HTR1F: variants seen among roughly 807,000 people sequenced by gnomAD.
The protein encoded by HTR1F is 5-hydroxytryptamine receptor 1F, also known as 5-hydroxytryptamine (serotonin) receptor 1F, G protein-coupled.
Under a neutral mutation model 24.0 loss-of-function variants are expected in HTR1F, and 17 were observed. The observed-to-expected ratio is 0.71, with a 90% CI of 0.48 to 1.06. The LOEUF (loss-of-function observed/expected upper bound fraction) is 1.06, where lower values mean the gene tolerates loss of function less well. Among genes scored for constraint, HTR1F ranks in the 50% least tolerant of loss-of-function variants. The pLI, the probability that HTR1F is intolerant of heterozygous loss-of-function variation, is 0.00. For missense variants in HTR1F, 391 were observed against 427.8 expected, an observed-to-expected ratio of 0.91 and a Z score of 0.76; for synonymous variants, 186 against 156.8, an observed-to-expected ratio of 1.19 and a Z score of -1.39.
At chr3:87,799,247 A>C (rs1055955228) in intron 1 of HTR1F, among the ~76,000 whole-genome samples, 1 of 152,216 alleles carries the variant, frequency 6.6e-6, no homozygotes, top group Non-Finnish European at 1.5e-5. Flanking sequence ...GGTGACTCTC[A>C]GTTCTAGCAT....
chr3:87,985,677 G>A (rs1261583212), intron 2 of HTR1F, among the ~76,000 whole-genome samples: 1 of 152,182 alleles, frequency 6.6e-6, no homozygotes, highest in Non-Finnish European at 1.5e-5. Context: ...CAACTTGTAG[G>A]TATTCGTGAG....
At chr3:87,878,182 T>C (rs1388215471) in intron 2 of HTR1F, among the ~76,000 whole-genome samples, 3 of 152,158 alleles carry the variant, frequency 2.0e-5, no homozygotes, top group Non-Finnish European at 4.4e-5. Flanking sequence ...GCAGAGGTTT[T>C]GCTTTGAAAA....
intron 1 of HTR1F, among the ~76,000 whole-genome samples, chr3:87,801,971 G>A (rs1048372739): frequency 2.0e-5 from 3 of 151,440 alleles, no homozygotes; most frequent in African/African-American, 7.3e-5. Flanking sequence ...ATAAAGCATG[G>A]CTTTGCTTTC....
At chr3:87,977,393 CTTTTTTTTTTTTT>C (rs34070984) in intron 2 of HTR1F, among the ~76,000 whole-genome samples, 1 of 73,050 alleles carries the variant, frequency 1.4e-5, no homozygotes, top group Non-Finnish European at 2.6e-5. Context: ...GAAGCTGAGA[CTTTTTTTTTTTTT>C]TTTTTTTTTT....
intron 2 of HTR1F, among the ~76,000 whole-genome samples, chr3:87,955,057 T>C (rs1172939984): frequency 1.3e-5 from 2 of 151,366 alleles, no homozygotes; most frequent in Admixed American, 6.6e-5. Context: ...ACCTACTTTA[T>C]TGAGGAATAA....
chr3:87,890,272 A>G (rs969179487), intron 2 of HTR1F, among the ~76,000 whole-genome samples: 7 of 152,220 alleles, frequency 4.6e-5, no homozygotes, highest in African/African-American at 1.4e-4. Flanking sequence ...TTATTTTTGC[A>G]TATATATGTT....
chr3:87,958,318 T>C (rs1052295830), intron 2 of HTR1F, among the ~76,000 whole-genome samples: 2 of 151,568 alleles, frequency 1.3e-5, no homozygotes, highest in Non-Finnish European at 3.0e-5. Context: ...TTTTGTTTTG[T>C]TTTGTTTTAT....
intron 1 of HTR1F, among the ~76,000 whole-genome samples, chr3:87,803,780 A>T (rs544870641): frequency 5.9e-5 from 9 of 152,352 alleles, no homozygotes; most frequent in African/African-American, 2.2e-4. Context: ...ATAGAACTAC[A>T]TATAATTCCA....
chr3:87,877,756 G>A (rs1299672127), intron 2 of HTR1F, among the ~76,000 whole-genome samples: 4 of 152,156 alleles, frequency 2.6e-5, no homozygotes, highest in African/African-American at 9.6e-5. Flanking sequence ...TGTACATGGA[G>A]GATGAGCTCA....
chr3:87,927,666 C>T (rs1439454134), intron 2 of HTR1F, among the ~76,000 whole-genome samples: 1 of 152,110 alleles, frequency 6.6e-6, no homozygotes, highest in African/African-American at 2.4e-5. Context: ...TCTTTCTAAT[C>T]ATTTGTACCA....
intron 2 of HTR1F, among the ~76,000 whole-genome samples, chr3:87,891,223 T>C (rs542811427): frequency 2.0e-5 from 3 of 152,336 alleles, no homozygotes; most frequent in Non-Finnish European, 4.4e-5. Context: ...TTTGTTAAAA[T>C]TATAATTTAA....
chr3:87,816,006 A>G (rs1704243726), intron 1 of HTR1F, among the ~76,000 whole-genome samples: 1 of 152,090 alleles, frequency 6.6e-6, no homozygotes, highest in South Asian at 2.1e-4. Flanking sequence ...GTTTAGATTC[A>G]TTTTTCAGTT....
chr3:87,822,311 G>C (rs566932747), intron 2 of HTR1F, among the ~76,000 whole-genome samples, 187 bp downstream of exon 2: 158 of 152,302 alleles, frequency 1.0e-3, no homozygotes, highest in African/African-American at 3.6e-3. Context: ...GTGTTTCAAG[G>C]TGAAAGGAAG....
Position 87,980,825 on chromosome 3 carries a change from G to A in HTR1F, c.-42-9883G>A, listed in dbSNP as rs1048827233. Among the ~76,000 whole-genome samples the A allele has an allele frequency of 5.3e-5, 8 of 152,308 alleles. No individual in the cohort carries two copies. The Middle Eastern group carries it at 0.01, about 194-fold the overall frequency. ...TGCTTCAAGCACACACACAACACTCGGGCTCGGCTTCAACTTTGCTCCTAA... is the reference window on the plus strand; with the variant it reads ...TGCTTCAAGCACACACACAACACTCAGGCTCGGCTTCAACTTTGCTCCTAA... On this transcript the variant is annotated intron_variant, in intron 2 of 2. Coordinates refer to ENST00000319595, the MANE Select transcript of HTR1F (RefSeq NM_001322209.2).
intron 2 of HTR1F, among the ~76,000 whole-genome samples, chr3:87,866,645 T>G (rs966312484): frequency 6.7e-6 from 1 of 149,018 alleles, no homozygotes; most frequent in East Asian, 1.9e-4. Context: ...TCTCTCATAC[T>G]TGCAAAAAAG....
chr3:87,960,235 A>G (rs1705031950), intron 2 of HTR1F, among the ~76,000 whole-genome samples: 1 of 151,868 alleles, frequency 6.6e-6, no homozygotes, highest in African/African-American at 2.4e-5. Context: ...CCTTTTCACT[A>G]CTTGATGAGC....
chr3:87,933,584 T>C (rs1704338042), intron 2 of HTR1F, among the ~76,000 whole-genome samples: 1 of 151,790 alleles, frequency 6.6e-6, no homozygotes, highest in East Asian at 1.9e-4. Context: ...AGCCAAATCA[T>C]GAGTGAACTC....
intron 1 of HTR1F, among the ~76,000 whole-genome samples, chr3:87,801,752 GC>G (rs1270600143): frequency 6.6e-6 from 1 of 152,186 alleles, no homozygotes; most frequent in Non-Finnish European, 1.5e-5. Flanking sequence ...GCAGCTTGCA[GC>G]TTGAGTTTTC....
At chr3:87,883,306 C>A (rs1354186245) in intron 2 of HTR1F, among the ~76,000 whole-genome samples, 1 of 152,048 alleles carries the variant, frequency 6.6e-6, no homozygotes, top group Non-Finnish European at 1.5e-5. Flanking sequence ...ACACTAAAAC[C>A]CCATCTGTAA....
Sources: gnomAD v4.1 joint callset for allele counts (sites outside exome capture counted in the v4.1 genomes callset) on GRCh38, gnomAD v4.1.1 for gene constraint, MANE v1.5 for transcripts, NCBI Gene and HGNC (gene_info 2026-07-23, HGNC 2026-07-21) for gene names.